The following RRM2B variants were observed in gnomAD, a reference collection of about 807,000 sequenced individuals.
The protein encoded by RRM2B is ribonucleoside-diphosphate reductase subunit M2 B.
A neutral mutation model predicts 45.9 loss-of-function variants in RRM2B; 20 were observed. The observed-to-expected ratio is 0.44, with a 90% CI of 0.31 to 0.63. The LOEUF (loss-of-function observed/expected upper bound fraction) is 0.63. Ranked by LOEUF, RRM2B falls within the 30% of genes least tolerant of loss-of-function variation. The pLI is 0.09. For synonymous variants in RRM2B, 124 were observed against 132.3 expected (o/e 0.94, Z 0.43); for missense variants, 320 against 414.7 (o/e 0.77, Z 1.98).
At chr8:102,238,666 C>T (rs1261064064) in intron 1 of RRM2B, 161 bp downstream of exon 1, 1 of 1,539,660 alleles carries the variant, frequency 6.5e-7, no homozygotes, top group South Asian at 1.2e-5. Context: ...CGGGGACGGC[C>T]TCCCCGGCGC....
intron 6 of RRM2B, among the ~76,000 whole-genome samples, chr8:102,216,729 C>G: frequency 6.6e-6 from 1 of 152,058 alleles, no homozygotes; most frequent in East Asian, 1.9e-4. Context: ...AGAAAAAATA[C>G]AAATCACTAA....
chr8:102,237,809 T>C (rs918959980), intron 1 of RRM2B, among the ~76,000 whole-genome samples: 1 of 152,220 alleles, frequency 6.6e-6, no homozygotes, highest in African/African-American at 2.4e-5. Flanking sequence ...TTACAGTTAG[T>C]TACTAAATGC....
chr8:102,215,397 G>C (rs983667157), intron 6 of RRM2B, among the ~76,000 whole-genome samples: 7 of 149,236 alleles, frequency 4.7e-5, no homozygotes, highest in Admixed American at 1.3e-4. Flanking sequence ...GTGACAGTGA[G>C]ACTGTTTCAA....
intron 1 of RRM2B, among the ~76,000 whole-genome samples, chr8:102,233,024 T>C (rs1364524323): frequency 1.3e-5 from 2 of 152,224 alleles, no homozygotes; most frequent in Non-Finnish European, 2.9e-5. Flanking sequence ...CATATATTTT[T>C]AAAATAGCGG....
chr8:102,224,828 T>C, intron 4 of RRM2B, 57 bp downstream of exon 4: 1 of 1,521,030 alleles, frequency 6.6e-7, no homozygotes, highest in Non-Finnish European at 9.1e-7. Context: ...GAATAAATTC[T>C]GATCTGAACA....
At chr8:102,220,936 C>G (rs1481835881) in intron 5 of RRM2B, among the ~76,000 whole-genome samples, 1 of 152,050 alleles carries the variant, frequency 6.6e-6, no homozygotes, top group Non-Finnish European at 1.5e-5. Flanking sequence ...AATGTAAAGG[C>G]CTCATGATTC....
chr8:102,207,259 TC>T lies in RRM2B; in HGVS notation c.*873del, dbSNP rs1313497518. 1 of 152,028 alleles carries T rather than the reference TC, an allele frequency of 6.6e-6. No homozygotes were observed. The highest frequency in any genetic ancestry group is 1.5e-5 in the Non-Finnish European group (1 of 67,974). The allele number at this position is 152,028 out of a possible 1,614,324, so 9.4% of individuals were successfully genotyped here. On this transcript the variant is annotated 3_prime_UTR_variant, in exon 9 of 9. Transcript: ENST00000251810. ...TCATCTGACCACAGAATCCCCTTTT[TC>T]CCCCAAAAAAATATCTAGAGGAGCT...
chr8:102,238,856 G>T lies in RRM2B; in HGVS notation c.19C>A (p.Pro7Thr). The T allele has an allele frequency of 1.2e-6, 2 of 1,612,930 alleles. No individual in the cohort carries two copies. Among genetic ancestry groups the T allele is most frequent in the Non-Finnish European group, 1.7e-6 (2 of 1,179,916 alleles). ...TCCTGATCCAGCCCGGCCGCTTCCGGCCTTTCCGGGTCGCCCATCGCGCAG... is the reference window on the plus strand; with the variant it reads ...TCCTGATCCAGCCCGGCCGCTTCCGTCCTTTCCGGGTCGCCCATCGCGCAG... MGDPERPEAAGLDQDER... is the reference protein window; with the variant it reads MGDPERTEAAGLDQDER... The change falls in exon 1 of 9, where the codon CCG (proline) becomes ACG (threonine). Residue 7 changes from proline (P) to threonine (T), a missense_variant. Transcript: ENST00000251810.
intron 1 of RRM2B, 81 bp downstream of exon 1, chr8:102,238,746 T>G: frequency 1.2e-6 from 2 of 1,609,198 alleles, no homozygotes; most frequent in Non-Finnish European, 1.7e-6. Flanking sequence ...CGAATAACAT[T>G]TCCTACAGCG....
chr8:102,208,534 C>A (rs140440709), intron 8 of RRM2B, among the ~76,000 whole-genome samples: 57 of 151,958 alleles, frequency 3.8e-4, no homozygotes, highest in Admixed American at 1.6e-3. Context: ...GAAAAAAAAA[C>A]ACAACTATTT....
Position 102,207,863 on chromosome 8 carries a change from C to A in RRM2B, c.*270G>T. Reference sequence around the variant, plus strand: ...GTCACACACTGGAGTAAGGGCAGAACCTTAGACTCATGTCTGACCCCTCGC... The same window carrying A: ...GTCACACACTGGAGTAAGGGCAGAAACTTAGACTCATGTCTGACCCCTCGC... On this transcript the variant is annotated 3_prime_UTR_variant, in exon 9 of 9. Transcript: ENST00000251810. 2.6e-6 allele frequency: 1 copy of A among 377,846 alleles called. No individual in the cohort carries two copies. Among genetic ancestry groups the A allele is most frequent in the East Asian group, 5.7e-5 (1 of 17,638 alleles). 23.4% of individuals were successfully genotyped at this position (377,846 alleles called of 1,614,324 possible). A position where few individuals can be genotyped will look rare whatever the true frequency, so the allele number is the denominator to read the frequency against.
chr8:102,225,228 CTTTTTTTTTTTTTTTTT>C (rs918693739), intron 3 of RRM2B, among the ~76,000 whole-genome samples: 1 of 87,510 alleles, frequency 1.1e-5, no homozygotes, highest in Non-Finnish European at 2.1e-5. Flanking sequence ...ATAGTATATT[CTTTTTTTTTTTTTTTTT>C]TTTTTTTGAG....
At chr8:102,220,923 GTGAA>G (rs1810824542) in intron 5 of RRM2B, among the ~76,000 whole-genome samples, 1 of 152,150 alleles carries the variant, frequency 6.6e-6, no homozygotes, top group African/African-American at 2.4e-5. Context: ...AAAAACTATA[GTGAA>G]TGTAAAGGCC....
chr8:102,219,400 C>G (rs1382309579), intron 5 of RRM2B, among the ~76,000 whole-genome samples: 1 of 152,146 alleles, frequency 6.6e-6, no homozygotes, highest in Non-Finnish European at 1.5e-5. Flanking sequence ...TGGTATCTTA[C>G]AGACCATCTG....
intron 1 of RRM2B, among the ~76,000 whole-genome samples, chr8:102,235,699 C>G (rs1262650909): frequency 6.6e-6 from 1 of 152,116 alleles, no homozygotes; most frequent in African/African-American, 2.4e-5. Context: ...ATTAGCCGGG[C>G]GTGGTGGCGT....
intron 6 of RRM2B, among the ~76,000 whole-genome samples, chr8:102,217,169 T>C (rs947820807): frequency 6.6e-6 from 1 of 152,070 alleles, no homozygotes; most frequent in Non-Finnish European, 1.5e-5. Context: ...TTTCAAAAGG[T>C]GCTTAATGCC....
rs765773362 is a variant in RRM2B, at chr8:102,212,828, T to C, written c.851A>G (p.Gln284Arg). Residue 284 changes from glutamine to arginine, a missense_variant, in exon 8 of 9, where the codon CAG (glutamine) becomes CGG (arginine). By Grantham distance (43) the Gln-to-Arg change is conservative. Transcript: ENST00000251810. ...LIGMNCILMK[Q>R]YIEFVADRLL... ...TCTGTCAGCTACAAACTCAATGTAC[T>C]GTTTCATCAAAATGCAATTCATTCC... 6.2e-7 allele frequency: 1 copy of C among 1,612,338 alleles called. No individual in the cohort carries two copies. The highest frequency in any genetic ancestry group is 8.5e-7 in the Non-Finnish European group (1 of 1,178,588).
chr8:102,225,390 C>G (rs996077869), intron 3 of RRM2B, among the ~76,000 whole-genome samples: 1 of 152,038 alleles, frequency 6.6e-6, no homozygotes, highest in Non-Finnish European at 1.5e-5. Context: ...TGCGCCAACA[C>G]GCCCAGCTAA....
intron 6 of RRM2B, among the ~76,000 whole-genome samples, chr8:102,218,319 G>A (rs1230886525): frequency 6.6e-6 from 1 of 152,176 alleles, no homozygotes; most frequent in Non-Finnish European, 1.5e-5. Flanking sequence ...AGGAGAAATG[G>A]TAAGAGACAC....
Sources: gnomAD v4.1 joint callset for allele counts (sites outside exome capture counted in the v4.1 genomes callset) on GRCh38, gnomAD v4.1.1 for gene constraint, MANE v1.5 for transcripts, NCBI Gene and HGNC (gene_info 2026-07-23, HGNC 2026-07-21) for gene names.